The following RNF121 variants were observed in gnomAD, a reference collection of about 807,000 sequenced individuals.
RNF121 encodes the protein E3 ubiquitin ligase RNF121.
A neutral mutation model predicts 46.5 loss-of-function variants in RNF121; 21 were observed. That is an observed-to-expected ratio of 0.45 (90% confidence interval 0.32 to 0.65). The LOEUF is 0.65. RNF121 is among the 30% of genes least tolerant of loss of function. The probability of loss-of-function intolerance (pLI) is 0.04; values close to 1 mark genes in which losing one functional copy is unlikely to be tolerated. For synonymous variants in RNF121, 139 were observed against 144.7 expected, an observed-to-expected ratio of 0.96 and a Z score of 0.28; for missense variants, 346 against 416.0, an observed-to-expected ratio of 0.83 and a Z score of 1.46.
chr11:71,971,886 C>T (rs1954428921), intron 3 of RNF121, among the ~76,000 whole-genome samples: 1 of 152,148 alleles, frequency 6.6e-6, no homozygotes, highest in African/African-American at 2.4e-5. Flanking sequence ...AGCGAATATA[C>T]ACATACCCTG....
At position 71,996,327 on chromosome 11, in the gene RNF121, A is replaced by T; in HGVS notation, c.*12A>T. 6.2e-7 allele frequency: 1 copy of T among 1,613,738 alleles called. No individual in the cohort carries two copies. Among genetic ancestry groups the T allele is most frequent in the South Asian group, 1.1e-5 (1 of 91,064 alleles). ...TGGGCCTGGAATAGTGATGAAGAGC[A>T]TCAGTGGAAAACCCACCCCACACGC... On this transcript the variant is annotated 3_prime_UTR_variant, in exon 9 of 9. Coordinates refer to ENST00000361756, the MANE Select transcript of RNF121 (RefSeq NM_018320.5).
chr11:71,942,783 T>TATATATATATATATATATATATATAG (rs1953611366), intron 1 of RNF121, among the ~76,000 whole-genome samples: 1 of 17,220 alleles, frequency 5.8e-5, no homozygotes, highest in East Asian at 9.8e-4. Context: ...TATATATATA[T>TATATATATATATATATATATATATAG]ATATATAGAT....
In RNF121 at chr11:71,975,462, A is replaced by G. The variant is rs1954509028; in HGVS notation, c.244-7299A>G. On this transcript the variant is annotated intron_variant, in intron 3 of 8. Coordinates refer to ENST00000361756, the MANE Select transcript of RNF121 (RefSeq NM_018320.5). ...CTGGACCTATTGGCCATCAAGACAG[A>G]GATCAAAGGATGCTTCCTTCAGGCA... is the stretch of plus-strand genomic sequence containing the variant. Among the ~76,000 whole-genome samples the G allele has an allele frequency of 2.0e-5, 3 of 152,300 alleles. No homozygotes were observed. The South Asian group carries it at 6.2e-4, about 32-fold the overall frequency.
At chr11:71,946,427 C>T (rs998716863) in intron 1 of RNF121, among the ~76,000 whole-genome samples, 1 of 152,058 alleles carries the variant, frequency 6.6e-6, no homozygotes, top group Non-Finnish European at 1.5e-5. Flanking sequence ...AAGGTCTTGC[C>T]GTGTTGCCCA....
intron 1 of RNF121, among the ~76,000 whole-genome samples, chr11:71,935,075 G>A (rs1012031076): frequency 3.3e-5 from 5 of 151,790 alleles, no homozygotes; most frequent in Admixed American, 1.3e-4. Flanking sequence ...CCAAGTAGCT[G>A]GGACCACAGG....
intron 6 of RNF121, among the ~76,000 whole-genome samples, chr11:71,990,990 G>A (rs922934335): frequency 6.6e-6 from 1 of 152,164 alleles, no homozygotes; most frequent in Non-Finnish European, 1.5e-5. Context: ...AATACTGCAT[G>A]TTCTTACTTA....
At chr11:71,991,285 T>C (rs1385740999) in intron 6 of RNF121, among the ~76,000 whole-genome samples, 1 of 152,154 alleles carries the variant, frequency 6.6e-6, no homozygotes, top group Non-Finnish European at 1.5e-5. Context: ...TTTTTCTCTT[T>C]AGGGCCATTA....
chr11:71,974,097 G>A (rs1002852671), intron 3 of RNF121, among the ~76,000 whole-genome samples: 12 of 151,924 alleles, frequency 7.9e-5, no homozygotes, highest in African/African-American at 2.7e-4. Flanking sequence ...GCCTGCCATC[G>A]TGTCTGGCTA....
Position 71,987,004 on chromosome 11 carries a change from G to A in RNF121, c.399G>A (p.Arg133=). 1 of 1,590,628 alleles carries A rather than the reference G, an allele frequency of 6.3e-7. No homozygotes were observed. Among genetic ancestry groups the A allele is most frequent in the Non-Finnish European group, 8.6e-7 (1 of 1,158,754 alleles). ...TRKPLVQTTP[R]LVYKWFLLIY... ...CACTAACCTTCTCTCCTTTCCCCAG[G>A]TTGGTTTATAAGTGGTTCCTGCTAA... The change falls in exon 5 of 9, where the codon AGG becomes AGA. Residue 133 remains arginine (R), a splice_region_variant and synonymous_variant. Transcript: ENST00000361756.
chr11:71,975,493 C>G lies in RNF121; in HGVS notation c.244-7268C>G, dbSNP rs1390518836. 3.3e-5 allele frequency among the ~76,000 whole-genome samples: 5 copies of G among 152,312 alleles called. No individual in the cohort carries two copies. The East Asian group carries it at 9.7e-4, about 29-fold the overall frequency. ...AAGGATGCTTCCTTCAGGCAGCCTT[C>G]CTTGGAGGGGGGTGGGTTCTCCACT... is the stretch of plus-strand genomic sequence containing the variant. On this transcript the variant is annotated intron_variant, in intron 3 of 8. Coordinates refer to ENST00000361756, the MANE Select transcript of RNF121 (RefSeq NM_018320.5).
intron 3 of RNF121, among the ~76,000 whole-genome samples, chr11:71,962,536 A>T (rs1276240225): frequency 6.6e-6 from 1 of 152,158 alleles, no homozygotes; most frequent in Non-Finnish European, 1.5e-5. Context: ...TTAACAGGAG[A>T]TGTGTCTGTG....
At chr11:71,959,698 C>T (rs1056044855) in intron 2 of RNF121, among the ~76,000 whole-genome samples, 1 of 146,926 alleles carries the variant, frequency 6.8e-6, no homozygotes, top group African/African-American at 2.5e-5. Context: ...TGCAGTGTTG[C>T]GATCTTGGCT....
intron 3 of RNF121, among the ~76,000 whole-genome samples, chr11:71,961,561 CAAAAAA>C (rs950824112): frequency 1.3e-5 from 2 of 149,204 alleles, no homozygotes; most frequent in Non-Finnish European, 3.0e-5. Flanking sequence ...GACTCTGTCT[CAAAAAA>C]AAGAAAAAGA....
intron 3 of RNF121, among the ~76,000 whole-genome samples, chr11:71,969,407 G>A (rs1954370859): frequency 6.6e-6 from 1 of 152,096 alleles, no homozygotes; most frequent in Non-Finnish European, 1.5e-5. Context: ...AATATTGAGT[G>A]CAAAAGAAGA....
intron 1 of RNF121, among the ~76,000 whole-genome samples, chr11:71,932,002 A>G (rs973632426): frequency 6.6e-5 from 10 of 152,228 alleles, no homozygotes; most frequent in African/African-American, 2.2e-4. Context: ...ATGTTTTCCA[A>G]TATTAGATGC....
chr11:71,931,965 G>A (rs1953286126), intron 1 of RNF121, among the ~76,000 whole-genome samples: 1 of 152,200 alleles, frequency 6.6e-6, no homozygotes, highest in Admixed American at 6.5e-5. Context: ...GAAGTTACAC[G>A]CTGTGTATAT....
At chr11:71,954,859 A>C (rs945206650) in intron 1 of RNF121, among the ~76,000 whole-genome samples, 2 of 152,220 alleles carry the variant, frequency 1.3e-5, no homozygotes, top group African/African-American at 4.8e-5. Context: ...TTTACTCTGT[A>C]CAATTTAAGC....
chr11:71,936,878 CT>C (rs1370986152), intron 1 of RNF121, among the ~76,000 whole-genome samples: 32 of 152,262 alleles, frequency 2.1e-4, no homozygotes, highest in Admixed American at 5.2e-4. Context: ...CAGTGCCTTG[CT>C]CAGTGCTTGG....
intron 5 of RNF121, among the ~76,000 whole-genome samples, chr11:71,987,741 C>G (rs1954797098): frequency 6.6e-6 from 1 of 152,188 alleles, no homozygotes; most frequent in African/African-American, 2.4e-5. Flanking sequence ...GCTAGACCGT[C>G]TACCTACATG....
Sources: gnomAD v4.1 joint callset for allele counts (sites outside exome capture counted in the v4.1 genomes callset) on GRCh38, gnomAD v4.1.1 for gene constraint, MANE v1.5 for transcripts, NCBI Gene and HGNC (gene_info 2026-07-23, HGNC 2026-07-21) for gene names.